The following CACNA2D2 variants were observed in gnomAD, a reference collection of about 807,000 sequenced individuals.
The protein encoded by CACNA2D2 is calcium voltage-gated channel auxiliary subunit alpha2delta 2.
A neutral mutation model predicts 166.4 loss-of-function variants in CACNA2D2; 48 were observed. The observed-to-expected ratio is 0.29, with a 90% CI of 0.23 to 0.37. The LOEUF is 0.37. CACNA2D2 is among the 10% of genes least tolerant of loss of function. The probability of loss-of-function intolerance (pLI) is 1.00; values close to 1 mark genes in which losing one functional copy is unlikely to be tolerated. For synonymous variants in CACNA2D2, 561 were observed against 573.7 expected, an observed-to-expected ratio of 0.98 and a Z score of 0.32; for missense variants, 1,122 against 1,433.0, an observed-to-expected ratio of 0.78 and a Z score of 3.50.
chr3:50,499,589 T>C (rs202147297), intron 1 of CACNA2D2, among the ~76,000 whole-genome samples: 1 of 152,152 alleles, frequency 6.6e-6, no homozygotes, highest in East Asian at 1.9e-4. Context: ...TCCCAGGAGC[T>C]GGCAGTGTCC....
At chr3:50,400,724 G>A (rs1255044307) in intron 3 of CACNA2D2, among the ~76,000 whole-genome samples, 1 of 152,242 alleles carries the variant, frequency 6.6e-6, no homozygotes, top group Non-Finnish European at 1.5e-5. Flanking sequence ...GACAGGACGG[G>A]CACCCAGCCT....
chr3:50,465,793 G>A (rs941396995), intron 2 of CACNA2D2, among the ~76,000 whole-genome samples: 1 of 152,194 alleles, frequency 6.6e-6, no homozygotes, highest in Non-Finnish European at 1.5e-5. Flanking sequence ...GTAAGTGGGA[G>A]TGGTTTGTCT....
chr3:50,489,824 C>G (rs1050048535), intron 1 of CACNA2D2, among the ~76,000 whole-genome samples: 1 of 152,220 alleles, frequency 6.6e-6, no homozygotes. Flanking sequence ...AGCCTGGGGG[C>G]CTGGAGCAGG....
intron 2 of CACNA2D2, among the ~76,000 whole-genome samples, chr3:50,472,276 A>T (rs1031832965): frequency 6.6e-6 from 1 of 152,228 alleles, no homozygotes; most frequent in Non-Finnish European, 1.5e-5. Flanking sequence ...CATGGGGTTA[A>T]GGCAGGCAGG....
intron 2 of CACNA2D2, among the ~76,000 whole-genome samples, chr3:50,444,423 T>C (rs892919373): frequency 1.3e-5 from 2 of 152,216 alleles, no homozygotes; most frequent in Non-Finnish European, 2.9e-5. Flanking sequence ...GGCTCGAGCC[T>C]TCACCCTCAC....
At position 50,394,975 on chromosome 3, in the gene CACNA2D2, C is replaced by T. The variant is rs111352831; in HGVS notation, c.406-807G>A. ...CTCAGGGAAGGCTTGCTGGAGAAGA[C>T]GCTGGGGCCCGGCCACCCTCTGGGC... On this transcript the variant is annotated intron_variant, in intron 3 of 37. Coordinates refer to ENST00000424201, the MANE Select transcript of CACNA2D2 (RefSeq NM_006030.4). Among the ~76,000 whole-genome samples, 9 of 152,284 alleles carry T rather than the reference C, an allele frequency of 5.9e-5. 1 individual carries two copies. Among genetic ancestry groups the T allele is most frequent in the African/African-American group, 1.7e-4 (7 of 41,554 alleles).
chr3:50,440,052 G>A (rs1272058276), intron 2 of CACNA2D2, among the ~76,000 whole-genome samples: 1 of 152,224 alleles, frequency 6.6e-6, no homozygotes. Context: ...CTCTACCACT[G>A]ACAGCACTTG....
At position 50,380,249 on chromosome 3, in the gene CACNA2D2, G is replaced by A. The variant is rs922259498; in HGVS notation, c.843-231C>T. Among the ~76,000 whole-genome samples, 1 of 152,246 alleles carries A rather than the reference G, an allele frequency of 6.6e-6. No individual in the cohort carries two copies. Among genetic ancestry groups the A allele is most frequent in the African/African-American group, 2.4e-5 (1 of 41,458 alleles). ...AAAAGTACCAGGGGGTATATGAGCA[G>A]GTGATCCCCAGAGGGGGCAGGAGCC... On this transcript the variant is annotated intron_variant, in intron 8 of 37. Coordinates refer to ENST00000424201, the MANE Select transcript of CACNA2D2 (RefSeq NM_006030.4). The surrounding 1 kb of genome is among the most constrained non-coding windows in gnomAD (Gnocchi z 4.9).
At chr3:50,471,663 G>T (rs1710102375) in intron 2 of CACNA2D2, among the ~76,000 whole-genome samples, 1 of 152,198 alleles carries the variant, frequency 6.6e-6, no homozygotes, top group South Asian at 2.1e-4. Context: ...GTGGAGGGTG[G>T]AAGGGGACAG....
chr3:50,438,565 T>G (rs1708452646), intron 2 of CACNA2D2, among the ~76,000 whole-genome samples: 1 of 152,206 alleles, frequency 6.6e-6, no homozygotes, highest in Non-Finnish European at 1.5e-5. Context: ...GAAGCCTGCA[T>G]GCTGGCAGGA....
At position 50,410,542 on chromosome 3, in the gene CACNA2D2, G is replaced by A. The variant is rs75129392; in HGVS notation, c.406-16374C>T. On this transcript the variant is annotated intron_variant, in intron 3 of 37. Transcript: ENST00000424201. ...CCCAGCCTCAACCCACACAAGGTAT[G>A]CAAGGCCTCTGGGCCACCTGATTCC... Among the ~76,000 whole-genome samples the A allele has an allele frequency of 2.0e-3, 308 of 152,002 alleles. 4 individuals are homozygous for A. The East Asian group carries it at 0.041, about 20-fold the overall frequency.
chr3:50,364,340 G>A lies in CACNA2D2; in HGVS notation c.*326C>T, dbSNP rs587684938. Reference sequence around the variant, plus strand: ...TCCCCCCCAACATAGGCAGCCTCCAGGAAGGGCGGCAGCAGAGGCCTGGTT... The same window carrying A: ...TCCCCCCCAACATAGGCAGCCTCCAAGAAGGGCGGCAGCAGAGGCCTGGTT... On this transcript the variant is annotated 3_prime_UTR_variant, in exon 38 of 38. Coordinates refer to ENST00000424201, the MANE Select transcript of CACNA2D2 (RefSeq NM_006030.4). 4.5e-4 allele frequency: 154 copies of A among 344,404 alleles called. 1 individual carries two copies. The highest frequency in any genetic ancestry group is 2.7e-3 in the African/African-American group (125 of 47,138). 21.3% of individuals were successfully genotyped at this position (344,404 alleles called of 1,614,324 possible).
Position 50,427,435 on chromosome 3 carries a change from C to T in CACNA2D2, c.405+6878G>A, listed in dbSNP as rs573026914. 5.2e-5 allele frequency among the ~76,000 whole-genome samples: 8 copies of T among 152,382 alleles called. No homozygotes were observed. The South Asian group carries it at 6.2e-4, about 12-fold the overall frequency. On this transcript the variant is annotated intron_variant, in intron 3 of 37. Transcript: ENST00000424201. This position sits in a 1 kb window ranked among gnomAD's most constrained non-coding sequence, Gnocchi z 4.7. ...TGAGGGGAGAATAATCAGCTGTAAA[C>T]GCCGCAATCAGGGAGAAAAGGCTGC...
chr3:50,370,595 G>C (rs1186846956), intron 22 of CACNA2D2, among the ~76,000 whole-genome samples: 1 of 152,118 alleles, frequency 6.6e-6, no homozygotes, highest in Non-Finnish European at 1.5e-5. Flanking sequence ...CATCGCAGGA[G>C]GAGGGCAGTT....
Position 50,364,813 on chromosome 3 carries a change from GGA to G in CACNA2D2, c.3292-9_3292-8del. The G allele has an allele frequency of 6.2e-7, 1 of 1,612,526 alleles. No individual in the cohort carries two copies. Reference sequence around the variant, plus strand: ...CACAGTCTGAGGTATCTTCCTGCGGGGAGAGACAAGGAGCTGGTCGGCCTGGG... The same window carrying G: ...CACAGTCTGAGGTATCTTCCTGCGGGGAGACAAGGAGCTGGTCGGCCTGGG... On this transcript the variant is annotated splice_region_variant and splice_polypyrimidine_tract_variant and intron_variant, in intron 37 of 37. Transcript: ENST00000424201.
At chr3:50,469,262 A>G (rs536979555) in intron 2 of CACNA2D2, among the ~76,000 whole-genome samples, 1 of 152,210 alleles carries the variant, frequency 6.6e-6, no homozygotes, top group South Asian at 2.1e-4. Context: ...CCTCCCCAAC[A>G]GCATCTCTGC....
rs1575604199 is a variant in CACNA2D2, at chr3:50,380,399, G to A, written c.842+349C>T. ...GGAGAGTCACAGGGAGCTGCCGGAG[G>A]GGCAGAACAGAGGGGAGGGATATCT... On this transcript the variant is annotated intron_variant, in intron 8 of 37. Transcript: ENST00000424201. This position sits in a 1 kb window ranked among gnomAD's most constrained non-coding sequence, Gnocchi z 4.9. Among the ~76,000 whole-genome samples the A allele has an allele frequency of 6.6e-6, 1 of 152,312 alleles. No homozygotes were observed. The highest frequency in any genetic ancestry group is 1.5e-5 in the Non-Finnish European group (1 of 68,032).
At chr3:50,445,706 C>T (rs1267225176) in intron 2 of CACNA2D2, among the ~76,000 whole-genome samples, 5 of 152,180 alleles carry the variant, frequency 3.3e-5, no homozygotes, top group African/African-American at 4.8e-5. Context: ...TCTGGGGACA[C>T]AGACCCAAGG....
rs10575478 is a variant in CACNA2D2, at chr3:50,363,466, C to CTGTGTG, written c.*1194_*1199dup. ...GTGAAGAGCTGTGCCCAGTCCCCAC[C>CTGTGTG]TGTGTGTGTGTGTGTGTGTGTGTGT... is the stretch of plus-strand genomic sequence containing the variant. On this transcript the variant is annotated 3_prime_UTR_variant, in exon 38 of 38. Transcript: ENST00000424201. 7.1e-5 allele frequency: 25 copies of CTGTGTG among 352,882 alleles called. No individual in the cohort carries two copies. The highest frequency in any genetic ancestry group is 1.5e-4 in the South Asian group (1 of 6,604). 21.9% of individuals were successfully genotyped at this position (352,882 alleles called of 1,614,324 possible). A position where few individuals can be genotyped will look rare whatever the true frequency, so the allele number is the denominator to read the frequency against.
Sources: gnomAD v4.1 joint callset for allele counts (sites outside exome capture counted in the v4.1 genomes callset) on GRCh38, gnomAD v4.1.1 for gene constraint, Gnocchi (gnomAD v3.1) non-coding constraint, MANE v1.5 for transcripts, NCBI Gene and HGNC (gene_info 2026-07-23, HGNC 2026-07-21) for gene names.